SGCD: variants seen among roughly 807,000 people sequenced by gnomAD.
SGCD encodes delta-sarcoglycan.
In SGCD, 18 loss-of-function variants were observed where a neutral mutation model predicts 36.6. The observed-to-expected ratio is 0.49, with a 90% confidence interval of 0.34 to 0.73. The LOEUF is 0.73. Ranked by LOEUF, SGCD falls within the 30% of genes least tolerant of loss-of-function variation. SGCD has a pLI of 0.01. For missense variants in SGCD, 387 were observed against 346.7 expected (o/e 1.12, Z -0.92); for synonymous variants, 133 against 130.6 (o/e 1.02, Z -0.12).
intron 3 of SGCD, among the ~76,000 whole-genome samples, chr5:156,348,547 G>A (rs1769065132): frequency 6.6e-6 from 1 of 152,072 alleles, no homozygotes; most frequent in South Asian, 2.1e-4. Context: ...CTTAAGCAAG[G>A]AGGTAAAAGA....
chr5:155,743,139 T>C, the SGCD span, among the ~76,000 whole-genome samples: 1 of 152,206 alleles, frequency 6.6e-6, no homozygotes, highest in Admixed American at 6.5e-5. Flanking sequence ...GTTTACATCA[T>C]TGTTCATTGA....
intron 3 of SGCD, among the ~76,000 whole-genome samples, chr5:156,486,648 G>A (rs995442587): frequency 6.6e-6 from 1 of 152,158 alleles, no homozygotes; most frequent in Non-Finnish European, 1.5e-5. Context: ...GCCTGCACTT[G>A]TTATACAGGG....
At chr5:156,216,400 A>G (rs907130375) in intron 3 of SGCD, among the ~76,000 whole-genome samples, 4 of 152,236 alleles carry the variant, frequency 2.6e-5, no homozygotes, top group African/African-American at 7.2e-5. Flanking sequence ...GTGTATACAT[A>G]TTTCAGAACA....
chr5:156,708,838 T>A (rs140727616), intron 7 of SGCD, among the ~76,000 whole-genome samples: 67 of 152,132 alleles, frequency 4.4e-4, no homozygotes, highest in African/African-American at 1.6e-3. Context: ...AAAACAGCAA[T>A]AAATTCTTAG....
the SGCD span, among the ~76,000 whole-genome samples, chr5:155,745,913 T>C: frequency 3.9e-5 from 6 of 152,362 alleles, no homozygotes; most frequent in Admixed American, 3.3e-4. Flanking sequence ...AGGAGTATAC[T>C]TTGGCATTTT....
At chr5:156,164,556 C>T (rs985462560) in intron 3 of SGCD, among the ~76,000 whole-genome samples, 2 of 152,116 alleles carry the variant, frequency 1.3e-5, no homozygotes, top group Non-Finnish European at 2.9e-5. Context: ...CTGGAAATAC[C>T]AAAAGAATGA....
At chr5:156,406,804 A>ATTATATGTG (rs1772441303) in intron 3 of SGCD, among the ~76,000 whole-genome samples, 1 of 74,458 alleles carries the variant, frequency 1.3e-5, no homozygotes, top group African/African-American at 7.7e-5. Context: ...ATATATATAT[A>ATTATATGTG]TATATATATA....
At chr5:156,678,742 G>A (rs572986173) in intron 7 of SGCD, among the ~76,000 whole-genome samples, 2 of 152,282 alleles carry the variant, frequency 1.3e-5, no homozygotes, top group Non-Finnish European at 2.9e-5. Context: ...CCATAAAAAG[G>A]AAGTATACGT....
At chr5:156,131,766 G>A (rs1762330098) in intron 3 of SGCD, among the ~76,000 whole-genome samples, 2 of 152,166 alleles carry the variant, frequency 1.3e-5, no homozygotes, top group Admixed American at 6.5e-5. Context: ...TAATTGTTAT[G>A]CTTTATCTGT....
chr5:156,297,710 T>C (rs1358950346), intron 3 of SGCD, among the ~76,000 whole-genome samples: 3 of 151,646 alleles, frequency 2.0e-5, no homozygotes, highest in Non-Finnish European at 2.9e-5. Context: ...GTGGGTGCAG[T>C]GCACCAGCAT....
chr5:156,516,966 C>T (rs985278007), intron 4 of SGCD, among the ~76,000 whole-genome samples: 4 of 152,166 alleles, frequency 2.6e-5, no homozygotes, highest in Admixed American at 2.6e-4. Context: ...CCACTGTACT[C>T]TAGCCTGTGT....
chr5:155,888,962 A>G (rs763528323), intron 1 of SGCD, among the ~76,000 whole-genome samples: 58 of 152,170 alleles, frequency 3.8e-4, no homozygotes, highest in Non-Finnish European at 6.0e-4. Context: ...TACCTTGCTG[A>G]TCTTCTCAGA....
At chr5:156,684,648 G>T (rs1753841819) in intron 7 of SGCD, among the ~76,000 whole-genome samples, 1 of 152,198 alleles carries the variant, frequency 6.6e-6, no homozygotes, top group Non-Finnish European at 1.5e-5. Context: ...CATCTGTATT[G>T]TATTTCCATG....
chr5:156,696,915 A>AACACACACACAC (rs57963416), intron 7 of SGCD, among the ~76,000 whole-genome samples: 63 of 145,176 alleles, frequency 4.3e-4, no homozygotes, highest in Middle Eastern at 3.5e-3. Context: ...CCTTACACAC[A>AACACACACACAC]ACACACACAC....
chr5:156,119,524 G>A (rs565863410), intron 2 of SGCD, among the ~76,000 whole-genome samples: 3 of 152,150 alleles, frequency 2.0e-5, no homozygotes, highest in South Asian at 4.2e-4. Flanking sequence ...CTTCTTAAGA[G>A]GTAAATCTTT....
intron 3 of SGCD, among the ~76,000 whole-genome samples, chr5:156,441,396 G>T (rs573267131): frequency 6.6e-6 from 1 of 152,204 alleles, no homozygotes; most frequent in South Asian, 2.1e-4. Context: ...CCTTCATGGG[G>T]ACGTTTTGTA....
chr5:156,382,636 A>C (rs1412275298), intron 3 of SGCD, among the ~76,000 whole-genome samples: 2 of 152,188 alleles, frequency 1.3e-5, no homozygotes, highest in Non-Finnish European at 2.9e-5. Flanking sequence ...ACATGTTATA[A>C]TAATAATAGT....
intron 3 of SGCD, among the ~76,000 whole-genome samples, chr5:156,309,194 G>A (rs988875970): frequency 6.6e-6 from 1 of 152,032 alleles, no homozygotes; most frequent in Non-Finnish European, 1.5e-5. Flanking sequence ...TCAAATTTGG[G>A]AAGTTTTCAG....
At chr5:155,747,781 C>A in the SGCD span, among the ~76,000 whole-genome samples, 2 of 152,162 alleles carry the variant, frequency 1.3e-5, no homozygotes, top group East Asian at 1.9e-4. Context: ...GCTCCTCCCC[C>A]CTTATCTGTC....
Sources: allele counts gnomAD v4.1 joint callset (sites outside exome capture counted in the v4.1 genomes callset), GRCh38; gene constraint gnomAD v4.1.1; transcripts MANE v1.5; gene names NCBI Gene and HGNC (gene_info 2026-07-23, HGNC 2026-07-21).